HRH2: variants seen among roughly 807,000 people sequenced by gnomAD.
HRH2 encodes the protein histamine H2 receptor.
HRH2 carries 4 observed loss-of-function variants against 20.1 expected under a neutral mutation model. The observed-to-expected ratio is 0.20, with a 90% CI of 0.10 to 0.45. The LOEUF is 0.45. Among genes scored for constraint, HRH2 ranks in the 20% least tolerant of loss-of-function variants. The pLI is 0.99. For missense variants in HRH2, 250 were observed against 461.6 expected, an observed-to-expected ratio of 0.54 and a Z score of 4.20; for synonymous variants, 197 against 200.7, an observed-to-expected ratio of 0.98 and a Z score of 0.16.
At chr5:175,674,317 A>G (rs566895976) in intron 1 of HRH2, among the ~76,000 whole-genome samples, 1 of 152,284 alleles carries the variant, frequency 6.6e-6, no homozygotes, top group East Asian at 1.9e-4. Flanking sequence ...CAGTTTCACC[A>G]TCTATCAAAT....
chr5:175,667,291 A>C (rs1259001747), intron 1 of HRH2, among the ~76,000 whole-genome samples: 1 of 152,126 alleles, frequency 6.6e-6, no homozygotes, highest in African/African-American at 2.4e-5. Context: ...TAAAAATACA[A>C]AAATTAGCTG....
At chr5:175,672,187 C>T (rs1301717614) in intron 1 of HRH2, among the ~76,000 whole-genome samples, 1 of 152,324 alleles carries the variant, frequency 6.6e-6, no homozygotes, top group Non-Finnish European at 1.5e-5. Context: ...GTCAGATTCA[C>T]ACCAGAGACA....
chr5:175,685,746 G>A, intron 2 of HRH2: 1 of 557,614 alleles, frequency 1.8e-6, no homozygotes, highest in Non-Finnish European at 3.2e-6. Context: ...GCTCACATGA[G>A]CGAAGGGACA....
chr5:175,666,636 G>A (rs1762903761), intron 1 of HRH2, among the ~76,000 whole-genome samples: 1 of 152,038 alleles, frequency 6.6e-6, no homozygotes. Context: ...TCACCATATT[G>A]CCCAGGCTGG....
At position 175,677,855 on chromosome 5, in the gene HRH2, C is replaced by T. The variant is rs1453050013; in HGVS notation, c.-525-4854C>T. Among the ~76,000 whole-genome samples the T allele has an allele frequency of 1.3e-5, 2 of 152,178 alleles. No homozygotes were observed. Among genetic ancestry groups the T allele is most frequent in the African/African-American group, 2.4e-5 (1 of 41,440 alleles). On this transcript the variant is annotated intron_variant, in intron 1 of 2. Transcript: ENST00000636584. The surrounding 1 kb of genome is among the most constrained non-coding windows in gnomAD (Gnocchi z 4.2). ...GTCAGGGACCCTGCGCCACTTTTCC[C>T]GCCTTCCAATCACATCACCCTCTGC...
intron 1 of HRH2, among the ~76,000 whole-genome samples, chr5:175,673,790 G>A (rs1165646183): frequency 2.7e-5 from 4 of 146,346 alleles, no homozygotes; most frequent in African/African-American, 7.6e-5. Context: ...TGCAACCTCC[G>A]CCCCCCTGGG....
chr5:175,666,655 T>A (rs966813949), intron 1 of HRH2, among the ~76,000 whole-genome samples: 1 of 152,084 alleles, frequency 6.6e-6, no homozygotes, highest in Non-Finnish European at 1.5e-5. Flanking sequence ...GGGCTTGAAC[T>A]CCTGGGCTCA....
In HRH2 at chr5:175,683,105, A is replaced by C. The variant is rs1267301808; in HGVS notation, c.-129A>C. 8 of 1,270,338 alleles carry C rather than the reference A, an allele frequency of 6.3e-6. No individual in the cohort carries two copies. The highest frequency in any genetic ancestry group is 8.6e-6 in the Non-Finnish European group (8 of 932,744). The allele number at this position is 1,270,338 out of a possible 1,614,324, so 78.7% of individuals were successfully genotyped here. On this transcript the variant is annotated 5_prime_UTR_variant, in exon 2 of 3. Transcript: ENST00000636584. Reference sequence around the variant, plus strand: ...CACCCCCTGGCCAAAAAAAAAAAAAAAAAAAAACTGGACACATTTTGGATC... The same window carrying C: ...CACCCCCTGGCCAAAAAAAAAAAAACAAAAAAACTGGACACATTTTGGATC...
At chr5:175,658,399 G>A (rs1762629964) in intron 1 of HRH2, among the ~76,000 whole-genome samples, 1 of 152,180 alleles carries the variant, frequency 6.6e-6, no homozygotes, top group African/African-American at 2.4e-5. Context: ...CGGGGGTCGT[G>A]CCTTCCCCAA....
chr5:175,683,581 G>T lies in HRH2; in HGVS notation c.348G>T (p.Arg116=). Residue 116 remains arginine (R), a synonymous_variant, in exon 2 of 3, where the codon CGG becomes CGT. Coordinates refer to ENST00000636584, the MANE Select transcript of HRH2 (RefSeq NM_001367711.1). ...ILNLFMISLD[R]YCAVMDPLRY... ...ACCTCTTCATGATCAGCCTCGACCG[G>T]TACTGCGCTGTCATGGACCCACTGC... 1.9e-6 allele frequency: 3 copies of T among 1,614,164 alleles called. No individual in the cohort carries two copies. Among genetic ancestry groups the T allele is most frequent in the Non-Finnish European group, 2.5e-6 (3 of 1,180,036 alleles).
intron 1 of HRH2, among the ~76,000 whole-genome samples, chr5:175,680,868 C>T (rs2113513179): frequency 6.6e-6 from 1 of 152,238 alleles, no homozygotes; most frequent in South Asian, 2.1e-4. Context: ...ATTGTCCCCC[C>T]AGCACCTGGA....
intron 1 of HRH2, among the ~76,000 whole-genome samples, chr5:175,671,917 G>A (rs1313791137): frequency 2.0e-5 from 3 of 152,162 alleles, no homozygotes; most frequent in East Asian, 3.9e-4. Context: ...GCCCCGCATC[G>A]ATGGAGGTGG....
chr5:175,695,308 T>G (rs895543619), intron 2 of HRH2, among the ~76,000 whole-genome samples: 1 of 152,084 alleles, frequency 6.6e-6, no homozygotes. Flanking sequence ...GTTTCTTCAC[T>G]TGTCAAAGGG....
chr5:175,683,145 A>T lies in HRH2; in HGVS notation c.-89A>T. On this transcript the variant is annotated 5_prime_UTR_variant, in exon 2 of 3. Transcript: ENST00000636584. ...CATTTTGGATCTGTTGGGAGCTTGG[A>T]GTCCAGTGGTTGGCATAGTTGTCAC... 8.5e-7 allele frequency: 1 copy of T among 1,182,088 alleles called. No homozygotes were observed. Among genetic ancestry groups the T allele is most frequent in the Non-Finnish European group, 1.2e-6 (1 of 852,948 alleles). 73.2% of individuals were successfully genotyped at this position (1,182,088 alleles called of 1,614,324 possible). A position where few individuals can be genotyped will look rare whatever the true frequency, so the allele number is the denominator to read the frequency against.
chr5:175,684,347 AT>A, intron 2 of HRH2, 38 bp downstream of exon 2: 2 of 1,594,120 alleles, frequency 1.3e-6, no homozygotes, highest in Non-Finnish European at 8.6e-7. Context: ...GATGGGGGCA[AT>A]GGGAGGGGAT....
Position 175,681,730 on chromosome 5 carries a change from G to C in HRH2, c.-525-979G>C, listed in dbSNP as rs1294924542. On this transcript the variant is annotated intron_variant, in intron 1 of 2. Transcript: ENST00000636584. The surrounding 1 kb of genome is among the most constrained non-coding windows in gnomAD (Gnocchi z 4.3). Reference sequence around the variant, plus strand: ...GAAACCACCCTAATGCCCGTGAGAGGGTGATGTGGGGATGATAGGATAAAC... The same window carrying C: ...GAAACCACCCTAATGCCCGTGAGAGCGTGATGTGGGGATGATAGGATAAAC... 6.6e-6 allele frequency among the ~76,000 whole-genome samples: 1 copy of C among 152,210 alleles called. No homozygotes were observed. The highest frequency in any genetic ancestry group is 1.5e-5 in the Non-Finnish European group (1 of 68,034).
At position 175,709,373 on chromosome 5, in the gene HRH2, G is replaced by A. The variant is rs1347613503; in HGVS notation, c.*1402G>A. On this transcript the variant is annotated 3_prime_UTR_variant, in exon 3 of 3. Coordinates refer to ENST00000636584, the MANE Select transcript of HRH2 (RefSeq NM_001367711.1). ...ACCCACAACTCCAGTTACAAGGCAC[G>A]AGGTTTGGTTATGAAATCACTCACA... The A allele has an allele frequency of 2.6e-5, 4 of 152,236 alleles. No homozygotes were observed. The highest frequency in any genetic ancestry group is 1.9e-4 in the East Asian group (1 of 5,184). The allele number at this position is 152,236 out of a possible 1,614,324, so 9.4% of individuals were successfully genotyped here. A position where few individuals can be genotyped will look rare whatever the true frequency, so the allele number is the denominator to read the frequency against.
At position 175,687,619 on chromosome 5, in the gene HRH2, A is replaced by G. The variant is rs1250503746; in HGVS notation, c.1076+3310A>G. Among the ~76,000 whole-genome samples the G allele has an allele frequency of 2.0e-5, 3 of 151,554 alleles. No homozygotes were observed. In the East Asian group the frequency reaches 5.8e-4, roughly 30 times the overall value. The stretch of plus-strand genomic sequence containing the variant: ...GTCAGGGGCCCCGGCTGGTCCCACC[A>G]TTCGAGAACCTGCTGGCTGCCTTAT... On this transcript the variant is annotated intron_variant, in intron 2 of 2. Transcript: ENST00000636584. This position sits in a 1 kb window ranked among gnomAD's most constrained non-coding sequence, Gnocchi z 5.2.
At chr5:175,688,785 C>G (rs769512506) in intron 2 of HRH2, among the ~76,000 whole-genome samples, 8 of 152,200 alleles carry the variant, frequency 5.3e-5, no homozygotes, top group Non-Finnish European at 7.3e-5. Flanking sequence ...GCAAGTGACC[C>G]GTCTGAGGTG....
Sources: gnomAD v4.1 joint callset for allele counts (sites outside exome capture counted in the v4.1 genomes callset) on GRCh38, gnomAD v4.1.1 for gene constraint, Gnocchi (gnomAD v3.1) non-coding constraint, MANE v1.5 for transcripts, NCBI Gene and HGNC (gene_info 2026-07-23, HGNC 2026-07-21) for gene names.